FARS2: variants seen among roughly 807,000 people sequenced by gnomAD.
FARS2 encodes phenylalanyl-tRNA synthetase 2, mitochondrial, also known as phenylalanine--tRNA ligase, mitochondrial.
In FARS2, 40 loss-of-function variants were observed where a neutral mutation model predicts 46.4. That is an observed-to-expected ratio of 0.86 (90% CI 0.67 to 1.12). The LOEUF is 1.12. Ranked by LOEUF, FARS2 falls within the 50% of genes most tolerant of loss-of-function variation. The pLI is 0.00. For synonymous variants in FARS2, 234 were observed against 214.9 expected (o/e 1.09, Z -0.78); for missense variants, 513 against 567.9 (o/e 0.90, Z 0.98).
intron 1 of FARS2, among the ~76,000 whole-genome samples, chr6:5,361,261 A>G (rs990774334): frequency 8.5e-5 from 13 of 152,334 alleles, no homozygotes; most frequent in Middle Eastern, 3.4e-3. Context: ...TAATGACTGC[A>G]TAATATTTTA....
chr6:5,667,176 A>G (rs557454848), intron 6 of FARS2, among the ~76,000 whole-genome samples: 31 of 152,244 alleles, frequency 2.0e-4, no homozygotes, highest in Middle Eastern at 6.8e-3. Flanking sequence ...TATATGACAA[A>G]CTTGCATATG....
intron 1 of FARS2, among the ~76,000 whole-genome samples, chr6:5,290,791 G>A (rs1767447059): frequency 6.6e-6 from 1 of 152,160 alleles, no homozygotes; most frequent in African/African-American, 2.4e-5. Flanking sequence ...CACAATCATG[G>A]GTCACTGTAG....
intron 2 of FARS2, among the ~76,000 whole-genome samples, chr6:5,400,773 T>C (rs938796172): frequency 3.3e-5 from 5 of 152,024 alleles, no homozygotes; most frequent in African/African-American, 1.2e-4. Flanking sequence ...AGTTTCCTAT[T>C]ATCATTAATA....
intron 4 of FARS2, among the ~76,000 whole-genome samples, chr6:5,506,209 C>T (rs917050738): frequency 6.6e-5 from 10 of 152,128 alleles, no homozygotes; most frequent in African/African-American, 1.7e-4. Context: ...AGATCAGCTC[C>T]GCCTCATCCA....
chr6:5,507,704 C>T (rs1211055956), intron 4 of FARS2, among the ~76,000 whole-genome samples: 1 of 152,138 alleles, frequency 6.6e-6, no homozygotes, highest in Non-Finnish European at 1.5e-5. Context: ...TTCCAGTGTC[C>T]CAGCCCACCT....
rs540321277 is a variant in FARS2, at chr6:5,699,573, T to C, written c.1218-71718T>C. 8.6e-5 allele frequency among the ~76,000 whole-genome samples: 13 copies of C among 151,764 alleles called. No homozygotes were observed. In the South Asian group the frequency reaches 2.1e-3, roughly 24 times the overall value. On this transcript the variant is annotated intron_variant, in intron 6 of 6. Coordinates refer to ENST00000274680, the MANE Select transcript of FARS2 (RefSeq NM_006567.5). The stretch of plus-strand genomic sequence containing the variant: ...TCCAGGCTGGAGTGCAGTGGCGCGA[T>C]CTCGGCTCACTGCAACCTCCGCCTG...
chr6:5,637,115 C>T (rs1035716331), intron 6 of FARS2, among the ~76,000 whole-genome samples: 1 of 152,220 alleles, frequency 6.6e-6, no homozygotes. Flanking sequence ...ACAGCCCTCC[C>T]GGCCTCAGTG....
intron 6 of FARS2, among the ~76,000 whole-genome samples, chr6:5,692,982 G>A (rs1757855910): frequency 6.6e-6 from 1 of 152,120 alleles, no homozygotes; most frequent in African/African-American, 2.4e-5. Context: ...ATTCAGGTTA[G>A]TCAATACCAT....
intron 4 of FARS2, among the ~76,000 whole-genome samples, chr6:5,494,392 G>A (rs1232570581): frequency 2.0e-5 from 3 of 152,136 alleles, no homozygotes; most frequent in Non-Finnish European, 4.4e-5. Context: ...CTGGAATCCG[G>A]GTCTGTACTG....
chr6:5,747,202 G>A (rs1280144898), intron 6 of FARS2, among the ~76,000 whole-genome samples: 4 of 152,228 alleles, frequency 2.6e-5, no homozygotes, highest in Admixed American at 6.5e-5. Context: ...AAGATCAGGC[G>A]AGAGCCAGAT....
In FARS2 at chr6:5,462,787, A is replaced by G. The variant is rs116107447; in HGVS notation, c.904+31615A>G. Among the ~76,000 whole-genome samples, 988 of 152,328 alleles carry G rather than the reference A, an allele frequency of 6.5e-3. 10 individuals carry two copies. Among genetic ancestry groups the G allele is most frequent in the African/African-American group, 0.023 (940 of 41,570 alleles). On this transcript the variant is annotated intron_variant, in intron 4 of 6. Transcript: ENST00000274680. Reference sequence around the variant, plus strand: ...TTCTTCTTTCAAAATTCTTTTGGCTATTCTACTGCCTTTGTATTAGAATAC... The same window carrying G: ...TTCTTCTTTCAAAATTCTTTTGGCTGTTCTACTGCCTTTGTATTAGAATAC...
intron 1 of FARS2, among the ~76,000 whole-genome samples, chr6:5,321,877 G>A (rs940040286): frequency 1.9e-4 from 29 of 152,270 alleles, no homozygotes; most frequent in African/African-American, 6.0e-4. Flanking sequence ...GCTTTCATAT[G>A]GGTGTTATGA....
At chr6:5,545,361 T>C (rs1417125276) in intron 5 of FARS2, 21 bp downstream of exon 5, 1 of 1,584,656 alleles carries the variant, frequency 6.3e-7, no homozygotes, top group South Asian at 1.1e-5. Flanking sequence ...TTGCAAGAAC[T>C]GAATAGATAA....
intron 2 of FARS2, among the ~76,000 whole-genome samples, chr6:5,402,473 C>G (rs1341536146): frequency 6.6e-6 from 1 of 151,800 alleles, no homozygotes; most frequent in African/African-American, 2.4e-5. Context: ...TAATAATTTT[C>G]TATATTTTTA....
chr6:5,707,632 C>T (rs1336259799), intron 6 of FARS2, among the ~76,000 whole-genome samples: 2 of 152,238 alleles, frequency 1.3e-5, no homozygotes, highest in Non-Finnish European at 2.9e-5. Flanking sequence ...GTGAGTGGAG[C>T]ATGAATAATA....
At chr6:5,635,589 T>G (rs1489897508) in intron 6 of FARS2, among the ~76,000 whole-genome samples, 3 of 152,092 alleles carry the variant, frequency 2.0e-5, no homozygotes, top group African/African-American at 7.2e-5. Context: ...AGGTGACACA[T>G]GTGCTGGTGG....
chr6:5,609,586 A>T, intron 5 of FARS2: 2 of 1,282,352 alleles, frequency 1.6e-6, no homozygotes, highest in Non-Finnish European at 2.2e-6. Flanking sequence ...CCACCACCAA[A>T]GTTTCCAGAA....
At position 5,727,204 on chromosome 6, in the gene FARS2, G is replaced by A. The variant is rs766107675; in HGVS notation, c.1218-44087G>A. 1.3e-5 allele frequency among the ~76,000 whole-genome samples: 2 copies of A among 152,190 alleles called. No homozygotes were observed. The highest frequency in any genetic ancestry group is 1.3e-4 in the Admixed American group (2 of 15,290). ...GGCTGCTGCTGTAGGGGTGGGCATG[G>A]GAGGGGCTGTTCCTCTCATCACTAG... is the stretch of plus-strand genomic sequence containing the variant. On this transcript the variant is annotated intron_variant, in intron 6 of 6. Transcript: ENST00000274680. The surrounding 1 kb of genome is among the most constrained non-coding windows in gnomAD (Gnocchi z 4.1).
chr6:5,529,524 T>C (rs1769690551), intron 4 of FARS2, among the ~76,000 whole-genome samples: 1 of 152,168 alleles, frequency 6.6e-6, no homozygotes, highest in Non-Finnish European at 1.5e-5. Flanking sequence ...GCCAGGATGG[T>C]CTCAATCTCT....
Sources: gnomAD v4.1 joint callset for allele counts (sites outside exome capture counted in the v4.1 genomes callset) on GRCh38, gnomAD v4.1.1 for gene constraint, Gnocchi (gnomAD v3.1) non-coding constraint, MANE v1.5 for transcripts, NCBI Gene and HGNC (gene_info 2026-07-23, HGNC 2026-07-21) for gene names.